Variants in DNAJC1 observed in about 807,000 individuals in gnomAD.
The protein encoded by DNAJC1 is dnaJ homolog subfamily C member 1.
A neutral mutation model predicts 76.6 loss-of-function variants in DNAJC1; 58 were observed. The ratio of observed to expected loss-of-function variants is 0.76; its 90% confidence interval spans 0.61 to 0.94. The LOEUF (loss-of-function observed/expected upper bound fraction) is 0.94, where lower values mean the gene tolerates loss of function less well. DNAJC1 is among the 40% of genes least tolerant of loss of function. DNAJC1 has a pLI of 0.00. For missense variants in DNAJC1, 689 were observed against 677.3 expected (o/e 1.02, Z -0.19); for synonymous variants, 258 against 267.9 (o/e 0.96, Z 0.36).
intron 8 of DNAJC1, among the ~76,000 whole-genome samples, chr10:21,823,478 T>C (rs1835192407): frequency 6.6e-6 from 1 of 152,210 alleles, no homozygotes; most frequent in Non-Finnish European, 1.5e-5. Context: ...TTTAGTCCGA[T>C]TTTTCTATCA....
Position 21,759,253 on chromosome 10 carries a change from G to T in DNAJC1, c.1513C>A (p.Leu505Met), listed in dbSNP as rs1444684773. 1 of 1,614,142 alleles carries T rather than the reference G, an allele frequency of 6.2e-7. No individual in the cohort carries two copies. The highest frequency in any genetic ancestry group is 1.3e-5 in the African/African-American group (1 of 74,956). Residue 505 changes from leucine to methionine, a missense_variant, in exon 11 of 12, where the codon CTG becomes ATG. Transcript: ENST00000376980. ...EPWTQNQQKL[L>M]ELALQQYPRG... ...GGGTACTGCTGCAACGCCAGTTCCA[G>T]AAGTTTCTGTTGATTTTGAGTCCAC...
intron 8 of DNAJC1, among the ~76,000 whole-genome samples, chr10:21,822,400 C>G (rs1835174349): frequency 6.6e-6 from 1 of 151,884 alleles, no homozygotes; most frequent in Non-Finnish European, 1.5e-5. Flanking sequence ...GATCGCGCCA[C>G]TGCACTCCTG....
chr10:21,831,728 T>C (rs1287828828), intron 8 of DNAJC1, among the ~76,000 whole-genome samples: 1 of 147,196 alleles, frequency 6.8e-6, no homozygotes, highest in African/African-American at 2.5e-5. Context: ...AGGTGGAGCT[T>C]GTAGTGAGCT....
intron 1 of DNAJC1, among the ~76,000 whole-genome samples, chr10:21,941,549 C>T (rs970043472): frequency 3.3e-5 from 5 of 151,458 alleles, no homozygotes; most frequent in African/African-American, 1.2e-4. Context: ...TAAAATCCTT[C>T]AAAAAAAGGA....
intron 9 of DNAJC1, among the ~76,000 whole-genome samples, chr10:21,772,249 A>G (rs1324398637): frequency 7.0e-6 from 1 of 143,510 alleles, no homozygotes; most frequent in Non-Finnish European, 1.5e-5. Context: ...ATAAAATGAG[A>G]TGAGAAATAT....
chr10:21,931,572 G>A (rs1837224871), intron 1 of DNAJC1, among the ~76,000 whole-genome samples: 1 of 152,150 alleles, frequency 6.6e-6, no homozygotes, highest in Admixed American at 6.5e-5. Flanking sequence ...TCAGATTTGG[G>A]CTGAGTAACT....
At chr10:21,905,694 G>C (rs1780733090) in intron 6 of DNAJC1, among the ~76,000 whole-genome samples, 1 of 152,084 alleles carries the variant, frequency 6.6e-6, no homozygotes, top group Non-Finnish European at 1.5e-5. Context: ...TACATGCCCA[G>C]AGCACAGTAT....
chr10:21,884,625 C>T (rs1004105813), intron 7 of DNAJC1, among the ~76,000 whole-genome samples: 21 of 152,178 alleles, frequency 1.4e-4, no homozygotes, highest in African/African-American at 5.1e-4. Context: ...ACTATTTCTT[C>T]ATAGAGAGAT....
chr10:21,877,400 C>CA (rs1215658701), intron 8 of DNAJC1, among the ~76,000 whole-genome samples: 1 of 151,200 alleles, frequency 6.6e-6, no homozygotes, highest in South Asian at 2.1e-4. Flanking sequence ...CCACTAAGAA[C>CA]AAAAAAAGGC....
At chr10:21,808,002 G>C (rs1834907616) in intron 8 of DNAJC1, among the ~76,000 whole-genome samples, 1 of 152,066 alleles carries the variant, frequency 6.6e-6, no homozygotes, top group Non-Finnish European at 1.5e-5. Flanking sequence ...TTAATAAGTA[G>C]ACCAATCGGT....
chr10:21,863,278 G>A (rs1157111502), intron 8 of DNAJC1, among the ~76,000 whole-genome samples: 3 of 152,034 alleles, frequency 2.0e-5, no homozygotes, highest in Non-Finnish European at 4.4e-5. Flanking sequence ...GGCTAAAACA[G>A]AGAAGAAACA....
intron 8 of DNAJC1, among the ~76,000 whole-genome samples, chr10:21,814,010 A>C (rs1199442343): frequency 1.3e-5 from 2 of 152,156 alleles, no homozygotes; most frequent in Non-Finnish European, 2.9e-5. Flanking sequence ...TTTGCTCACA[A>C]GTAAGGTAAA....
At chr10:21,864,942 C>T (rs1564811613) in intron 8 of DNAJC1, among the ~76,000 whole-genome samples, 1 of 151,962 alleles carries the variant, frequency 6.6e-6, no homozygotes, top group Admixed American at 6.5e-5. Flanking sequence ...ACATGATATT[C>T]AAATGGAAAA....
chr10:21,829,221 G>GT (rs767778422), intron 8 of DNAJC1, among the ~76,000 whole-genome samples: 1,840 of 141,790 alleles, frequency 0.013, 14 homozygotes, highest in Admixed American at 0.025. Flanking sequence ...GTTCGTTTTT[G>GT]TTTTTTTTTT....
In DNAJC1 at chr10:21,945,354, G is replaced by T. The variant is rs138960498; in HGVS notation, c.223-16213C>A. ...TTTCAAGAAATTTGGCTGTTGAATG[G>T]AAAAAGATACGTGGCTGAGAGAGAC... On this transcript the variant is annotated intron_variant, in intron 1 of 11. Coordinates refer to ENST00000376980, the MANE Select transcript of DNAJC1 (RefSeq NM_022365.4). Among the ~76,000 whole-genome samples, 358 of 152,226 alleles carry T rather than the reference G, an allele frequency of 2.4e-3. 2 individuals carry two copies. The highest frequency in any genetic ancestry group is 0.017 in the Middle Eastern group (5 of 294).
intron 3 of DNAJC1, among the ~76,000 whole-genome samples, chr10:21,926,885 A>G (rs1158373097): frequency 6.6e-6 from 1 of 152,240 alleles, no homozygotes; most frequent in Non-Finnish European, 1.5e-5. Context: ...TGAAGAAACA[A>G]TTTATATATG....
At chr10:21,799,807 G>T (rs1834793717) in intron 9 of DNAJC1, among the ~76,000 whole-genome samples, 1 of 152,018 alleles carries the variant, frequency 6.6e-6, no homozygotes, top group Non-Finnish European at 1.5e-5. Flanking sequence ...TTCTAGGAAA[G>T]GGTACGAGTT....
intron 1 of DNAJC1, among the ~76,000 whole-genome samples, chr10:21,975,122 T>C (rs1564842552): frequency 6.6e-6 from 1 of 152,112 alleles, no homozygotes; most frequent in Non-Finnish European, 1.5e-5. Context: ...GCATTATATA[T>C]GTAATGTTTT....
intron 9 of DNAJC1, among the ~76,000 whole-genome samples, chr10:21,780,138 C>T (rs182436142): frequency 6.2e-4 from 94 of 152,252 alleles, no homozygotes; most frequent in Middle Eastern, 3.4e-3. Context: ...CTGAAAGTGA[C>T]GGGGACAATG....
Sources: gnomAD v4.1 joint callset for allele counts (sites outside exome capture counted in the v4.1 genomes callset) on GRCh38, gnomAD v4.1.1 for gene constraint, MANE v1.5 for transcripts, NCBI Gene and HGNC (gene_info 2026-07-23, HGNC 2026-07-21) for gene names.